ACOXL: variants seen among roughly 807,000 people sequenced by gnomAD.
ACOXL encodes acyl-coenzyme A oxidase-like protein.
ACOXL carries 70 observed loss-of-function variants against 71.9 expected under a neutral mutation model. That is an observed-to-expected ratio of 0.97 (90% CI 0.80 to 1.19). The LOEUF (loss-of-function observed/expected upper bound fraction) is 1.19. Among genes scored for constraint, ACOXL ranks in the 50% most tolerant of loss-of-function variants. ACOXL has a pLI of 0.00. For synonymous variants in ACOXL, 253 were observed against 281.6 expected, an observed-to-expected ratio of 0.90 and a Z score of 1.02; for missense variants, 703 against 736.3, an observed-to-expected ratio of 0.95 and a Z score of 0.52.
At position 111,108,371 on chromosome 2, in the gene ACOXL, C is replaced by CTTTTTTTTT. The variant is rs1225889982; in HGVS notation, c.1543-9230_1543-9222dup. On this transcript the variant is annotated intron_variant, in intron 17 of 17. Transcript: ENST00000439055. ...TTTATATACATTGAAGTGCATGAAT[C>CTTTTTTTTT]TTTTTTTTTTTTTTTTTTTTTTTGG... 9.4e-3 allele frequency among the ~76,000 whole-genome samples: 665 copies of CTTTTTTTTT among 71,052 alleles called. 107 individuals carry two copies. The highest frequency in any genetic ancestry group is 0.011 in the Non-Finnish European group (432 of 40,454). The allele number at this position is 71,052 out of a possible 152,430, so 46.6% of individuals were successfully genotyped here.
chr2:110,806,634 C>A (rs886450446), intron 9 of ACOXL, among the ~76,000 whole-genome samples: 1 of 152,226 alleles, frequency 6.6e-6, no homozygotes, highest in Non-Finnish European at 1.5e-5. Flanking sequence ...TTAGCTGAAG[C>A]TGTGATAGCA....
intron 12 of ACOXL, among the ~76,000 whole-genome samples, chr2:110,942,448 A>G (rs572617736): frequency 1.3e-5 from 2 of 152,340 alleles, no homozygotes; most frequent in African/African-American, 4.8e-5. Context: ...ATTTCAGAGC[A>G]AAGAATATTG....
At chr2:110,942,320 A>G (rs886303214) in intron 12 of ACOXL, among the ~76,000 whole-genome samples, 2 of 152,190 alleles carry the variant, frequency 1.3e-5, no homozygotes, top group Non-Finnish European at 2.9e-5. Flanking sequence ...CCTACAAAAA[A>G]CCCACTTCAA....
At chr2:110,760,633 G>C (rs1405444591) in intron 1 of ACOXL, among the ~76,000 whole-genome samples, 1 of 152,132 alleles carries the variant, frequency 6.6e-6, no homozygotes, top group East Asian at 1.9e-4. Flanking sequence ...TTTGAGGATT[G>C]CCTAGAGGTA....
chr2:110,826,378 T>A (rs551011099), intron 9 of ACOXL, among the ~76,000 whole-genome samples: 1 of 152,224 alleles, frequency 6.6e-6, no homozygotes, highest in Non-Finnish European at 1.5e-5. Flanking sequence ...TTAGGCAAGA[T>A]AGCATGTTCT....
intron 16 of ACOXL, among the ~76,000 whole-genome samples, chr2:111,089,066 C>T (rs1025123576): frequency 1.4e-4 from 21 of 152,024 alleles, no homozygotes; most frequent in African/African-American, 4.6e-4. Flanking sequence ...TTTGGGAGGC[C>T]GAGGCAGGTG....
chr2:110,750,622 A>G (rs1458234426), intron 1 of ACOXL, among the ~76,000 whole-genome samples: 1 of 148,874 alleles, frequency 6.7e-6, no homozygotes, highest in Non-Finnish European at 1.5e-5. Context: ...ATAAACATAT[A>G]CATATTATAT....
Position 110,857,115 on chromosome 2 carries a change from C to T in ACOXL, c.788+15710C>T, listed in dbSNP as rs74392412. Among the ~76,000 whole-genome samples, 1,369 of 152,246 alleles carry T rather than the reference C, an allele frequency of 9.0e-3. 11 individuals carry two copies. The highest frequency in any genetic ancestry group is 0.015 in the Non-Finnish European group (992 of 67,998). On this transcript the variant is annotated intron_variant, in intron 10 of 17. Transcript: ENST00000439055. Reference sequence around the variant, plus strand: ...TTCAGGGTGGTTATTTCAGGGGCTCCGTGACACCTCAAGGACCAGAGTGGC... The same window carrying T: ...TTCAGGGTGGTTATTTCAGGGGCTCTGTGACACCTCAAGGACCAGAGTGGC...
intron 12 of ACOXL, among the ~76,000 whole-genome samples, chr2:110,939,533 A>G (rs1428472944): frequency 6.6e-6 from 1 of 152,232 alleles, no homozygotes; most frequent in African/African-American, 2.4e-5. Context: ...TAGGTGTACC[A>G]TAATGCATTC....
intron 17 of ACOXL, chr2:111,114,341 G>C (rs2070194846): frequency 6.6e-6 from 1 of 152,316 alleles, no homozygotes; most frequent in Admixed American, 6.5e-5. Flanking sequence ...AGTGATAATG[G>C]GGGATTCAAA....
At chr2:111,079,664 C>G (rs912515670) in intron 16 of ACOXL, among the ~76,000 whole-genome samples, 9 of 152,158 alleles carry the variant, frequency 5.9e-5, no homozygotes, top group African/African-American at 2.2e-4. Context: ...ATCTTCTTCC[C>G]TAATCTACCT....
chr2:110,746,795 C>T (rs1198547829), intron 1 of ACOXL, among the ~76,000 whole-genome samples: 1 of 151,866 alleles, frequency 6.6e-6, no homozygotes, highest in Non-Finnish European at 1.5e-5. Flanking sequence ...GCTTGTCGGC[C>T]TCCCCCTTTC....
At chr2:110,916,502 T>C (rs1041004190) in intron 11 of ACOXL, among the ~76,000 whole-genome samples, 15 of 151,666 alleles carry the variant, frequency 9.9e-5, no homozygotes, top group African/African-American at 3.2e-4. Flanking sequence ...TTAAAAGAAG[T>C]AGAGAAGCAA....
In ACOXL at chr2:111,041,277, G is replaced by A. The variant is rs539406822; in HGVS notation, c.1370-7941G>A. Among the ~76,000 whole-genome samples the A allele has an allele frequency of 2.0e-5, 3 of 152,246 alleles. No homozygotes were observed. The South Asian group carries it at 6.2e-4, about 32-fold the overall frequency. On this transcript the variant is annotated intron_variant, in intron 15 of 17. Transcript: ENST00000439055. ...GCCTGAGCACTATATTAAATGGGAG[G>A]GCGAATCGCTGCAAGGTGGAAAACA...
intron 11 of ACOXL, among the ~76,000 whole-genome samples, chr2:110,915,350 A>ATATATATATATATATATATATGTG (rs1491355100): frequency 7.6e-4 from 86 of 113,532 alleles, no homozygotes; most frequent in Non-Finnish European, 1.5e-3. Context: ...ATATATATAT[A>ATATATATATATATATATATATGTG]TGTGTGTGTG....
At chr2:110,780,368 A>G (rs577253033) in intron 2 of ACOXL, among the ~76,000 whole-genome samples, 2 of 152,346 alleles carry the variant, frequency 1.3e-5, no homozygotes, top group South Asian at 2.1e-4. Flanking sequence ...AAATGGTACA[A>G]CCATTTTCAA....
intron 15 of ACOXL, 45 bp downstream of exon 15, chr2:111,031,759 G>T (rs1416825724): frequency 3.2e-6 from 5 of 1,568,484 alleles, no homozygotes; most frequent in Non-Finnish European, 4.4e-6. Context: ...TGACTCAGGG[G>T]TCTACGGGTC....
intron 9 of ACOXL, among the ~76,000 whole-genome samples, chr2:110,812,889 G>A (rs1687510680): frequency 6.6e-6 from 1 of 152,242 alleles, no homozygotes; most frequent in Admixed American, 6.5e-5. Flanking sequence ...CCGGGTAGCT[G>A]AAACACTTGG....
At chr2:111,046,490 G>A (rs2066022308) in intron 15 of ACOXL, among the ~76,000 whole-genome samples, 1 of 152,182 alleles carries the variant, frequency 6.6e-6, no homozygotes, top group South Asian at 2.1e-4. Context: ...GCAGGGTTGG[G>A]GAGGCCTCAA....
Sources: gnomAD v4.1 joint callset for allele counts (sites outside exome capture counted in the v4.1 genomes callset) on GRCh38, gnomAD v4.1.1 for gene constraint, MANE v1.5 for transcripts, NCBI Gene and HGNC (gene_info 2026-07-23, HGNC 2026-07-21) for gene names.